The following SMAD6 variants were observed in gnomAD, a reference collection of about 807,000 sequenced individuals.
The protein encoded by SMAD6 is SMAD family member 6.
SMAD6 carries 103 observed loss-of-function variants against 39.4 expected under a neutral mutation model. The observed-to-expected ratio is 2.62, with a 90% CI of 2.23 to 3.08. The LOEUF (loss-of-function observed/expected upper bound fraction) is 3.08. Among genes scored for constraint, SMAD6 ranks in the 30% most tolerant of loss-of-function variants. SMAD6 has a pLI of 0.00. For missense variants in SMAD6, 1,104 were observed against 742.9 expected, an observed-to-expected ratio of 1.49 and a Z score of -5.65; for synonymous variants, 445 against 353.3, an observed-to-expected ratio of 1.26 and a Z score of -2.91.
intron 3 of SMAD6, among the ~76,000 whole-genome samples, chr15:66,769,419 A>G (rs993290749): frequency 6.6e-6 from 1 of 152,164 alleles, no homozygotes; most frequent in Non-Finnish European, 1.5e-5. Context: ...GAAGATTTGC[A>G]CCAGTTCACC....
chr15:66,744,195 G>A (rs973063139), intron 3 of SMAD6, among the ~76,000 whole-genome samples: 1 of 152,130 alleles, frequency 6.6e-6, no homozygotes, highest in African/African-American at 2.4e-5. Context: ...CAAACCACGA[G>A]CCCAGAAAGA....
rs560263539 is a variant in SMAD6, at chr15:66,747,820, C to T, written c.952+31322C>T. On this transcript the variant is annotated intron_variant, in intron 3 of 3. Coordinates refer to ENST00000288840, the MANE Select transcript of SMAD6 (RefSeq NM_005585.5). The surrounding 1 kb of genome is among the most constrained non-coding windows in gnomAD (Gnocchi z 4.5). ...GTTACTTATGCTCTGGCCACCATTT[C>T]GTCAGGACTGACAGCAGCCATCTGT... 4.6e-5 allele frequency among the ~76,000 whole-genome samples: 7 copies of T among 152,176 alleles called. No individual in the cohort carries two copies. Among genetic ancestry groups the T allele is most frequent in the African/African-American group, 1.2e-4 (5 of 41,444 alleles).
chr15:66,721,982 C>T (rs867879542), intron 3 of SMAD6, among the ~76,000 whole-genome samples: 1 of 152,074 alleles, frequency 6.6e-6, no homozygotes, highest in Non-Finnish European at 1.5e-5. Context: ...CCAGGTATAG[C>T]AGATGCAAAG....
At chr15:66,722,027 A>G (rs2140613149) in intron 3 of SMAD6, among the ~76,000 whole-genome samples, 1 of 152,292 alleles carries the variant, frequency 6.6e-6, no homozygotes, top group South Asian at 2.1e-4. Context: ...ATGTTGAGAA[A>G]CCAAAGGAGT....
intron 3 of SMAD6, among the ~76,000 whole-genome samples, chr15:66,762,371 G>C (rs540029384): frequency 6.6e-5 from 10 of 152,298 alleles, no homozygotes; most frequent in Non-Finnish European, 1.3e-4. Flanking sequence ...ACGCCTCTCT[G>C]GCATCTCAGT....
chr15:66,776,091 G>A (rs564696870), intron 3 of SMAD6, among the ~76,000 whole-genome samples: 1 of 152,374 alleles, frequency 6.6e-6, no homozygotes, highest in East Asian at 1.9e-4. Context: ...TAGACATTCA[G>A]ACATTTGTTG....
At chr15:66,762,125 A>AG (rs2140660090) in intron 3 of SMAD6, among the ~76,000 whole-genome samples, 1 of 152,368 alleles carries the variant, frequency 6.6e-6, no homozygotes, top group South Asian at 2.1e-4. Flanking sequence ...AGAGAAAAAA[A>AG]TAATGCGTGT....
intron 3 of SMAD6, among the ~76,000 whole-genome samples, chr15:66,765,026 C>G (rs1894264895): frequency 6.6e-6 from 1 of 152,192 alleles, no homozygotes; most frequent in South Asian, 2.1e-4. Context: ...CTCCTGAAAA[C>G]TTGACCCAGC....
At chr15:66,746,021 C>T (rs780548346) in intron 3 of SMAD6, among the ~76,000 whole-genome samples, 1 of 152,160 alleles carries the variant, frequency 6.6e-6, no homozygotes, top group South Asian at 2.1e-4. Context: ...ACTAGTGCCT[C>T]GCTGGTGGGC....
At chr15:66,717,842 G>A (rs891534644) in intron 3 of SMAD6, among the ~76,000 whole-genome samples, 4 of 152,160 alleles carry the variant, frequency 2.6e-5, no homozygotes, top group Non-Finnish European at 4.4e-5. Context: ...GGCTCCCTTC[G>A]TTAGGGTACT....
chr15:66,769,142 C>G (rs1894338442), intron 3 of SMAD6, among the ~76,000 whole-genome samples: 1 of 152,170 alleles, frequency 6.6e-6, no homozygotes, highest in Non-Finnish European at 1.5e-5. Flanking sequence ...TTCTCGAAAA[C>G]CCCTTAACCT....
chr15:66,708,600 G>A, intron 1 of SMAD6: 2 of 401,942 alleles, frequency 5.0e-6, no homozygotes, highest in Admixed American at 2.9e-5. Context: ...GAAAAAGAAC[G>A]AAGTCCAGCA....
intron 3 of SMAD6, among the ~76,000 whole-genome samples, chr15:66,758,975 T>C (rs551609176): frequency 4.6e-5 from 7 of 152,252 alleles, no homozygotes; most frequent in Admixed American, 1.3e-4. Flanking sequence ...TTCTGTAAAA[T>C]GGATAGTAAA....
rs957411394 is a variant in SMAD6 at position 66,747,422 on chromosome 15, C to G, written c.952+30924C>G. On this transcript the variant is annotated intron_variant, in intron 3 of 3. Transcript: ENST00000288840. The surrounding 1 kb of genome is among the most constrained non-coding windows in gnomAD (Gnocchi z 4.5). The stretch of plus-strand genomic sequence containing the variant: ...CTCTGCTTCCCCGTGGGGAACTAAG[C>G]CTGCTCCTCCCGGCTGGTCTTTGTG... 6.6e-6 allele frequency among the ~76,000 whole-genome samples: 1 copy of G among 152,250 alleles called. No individual in the cohort carries two copies. Among genetic ancestry groups the G allele is most frequent in the South Asian group, 2.1e-4 (1 of 4,836 alleles).
chr15:66,781,552 A>C lies in SMAD6; in HGVS notation c.*17A>C. 2 of 807,626 alleles carry C rather than the reference A, an allele frequency of 2.5e-6. No homozygotes were observed. The highest frequency in any genetic ancestry group is 3.6e-6 in the Non-Finnish European group (2 of 561,932). The allele number at this position is 807,626 out of a possible 1,614,324, so 50.0% of individuals were successfully genotyped here. ...CCCAGATAGTGGCGGCCCCGGCGGG[A>C]GGGGCGGGTGGGAGGCCGCGGCCAC... On this transcript the variant is annotated 3_prime_UTR_variant, in exon 4 of 4. Transcript: ENST00000288840.
At chr15:66,755,017 C>T (rs1894072524) in intron 3 of SMAD6, among the ~76,000 whole-genome samples, 2 of 152,216 alleles carry the variant, frequency 1.3e-5, no homozygotes, top group South Asian at 4.1e-4. Context: ...TAGGCAAACA[C>T]CTTACCTTCT....
At chr15:66,773,677 C>T (rs1034353960) in intron 3 of SMAD6, among the ~76,000 whole-genome samples, 4 of 152,164 alleles carry the variant, frequency 2.6e-5, no homozygotes, top group African/African-American at 7.2e-5. Context: ...AGGCATGACA[C>T]GGGACAGAAG....
At position 66,729,516 on chromosome 15, in the gene SMAD6, G is replaced by A. The variant is rs1278022803; in HGVS notation, c.952+13018G>A. Among the ~76,000 whole-genome samples the A allele has an allele frequency of 2.6e-5, 4 of 152,112 alleles. No homozygotes were observed. The South Asian group carries it at 6.2e-4, about 24-fold the overall frequency. On this transcript the variant is annotated intron_variant, in intron 3 of 3. Transcript: ENST00000288840. ...AAGATTGTCCCCAGGACACACAGAC[G>A]GGCAGTGTCCTTTGGGGCTTTGGAT... is the stretch of plus-strand genomic sequence containing the variant.
Position 66,781,514 on chromosome 15 carries a change from C to T in SMAD6, c.1470C>T (p.Ile490=), listed in dbSNP as rs1445390957. 1 of 1,557,078 alleles carries T rather than the reference C, an allele frequency of 6.4e-7. No homozygotes were observed. The highest frequency in any genetic ancestry group is 1.2e-5 in the South Asian group (1 of 86,280). Reference sequence around the variant, plus strand: ...CCTCCTGCCCCTGCTGGCTGGAGATCCTCCTCAACAACCCCAGATAGTGGC... The same window carrying T: ...CCTCCTGCCCCTGCTGGCTGGAGATTCTCCTCAACAACCCCAGATAGTGGC... ...FITSCPCWLE[I]LLNNPR is the part of the protein sequence containing the mutation. The change falls in exon 4 of 4, where the codon ATC becomes ATT. Residue 490 remains isoleucine, a synonymous_variant. Coordinates refer to ENST00000288840, the MANE Select transcript of SMAD6 (RefSeq NM_005585.5).
Sources: gnomAD v4.1 joint callset for allele counts (sites outside exome capture counted in the v4.1 genomes callset) on GRCh38, gnomAD v4.1.1 for gene constraint, Gnocchi (gnomAD v3.1) non-coding constraint, MANE v1.5 for transcripts, NCBI Gene and HGNC (gene_info 2026-07-23, HGNC 2026-07-21) for gene names.